Variants in ANO10 observed in about 807,000 individuals in gnomAD.
The protein encoded by ANO10 is anoctamin 10.
Under a neutral mutation model 74.7 loss-of-function variants are expected in ANO10, and 77 were observed. The observed-to-expected ratio is 1.03, with a 90% CI of 0.86 to 1.25. The LOEUF is 1.25. Ranked by LOEUF, ANO10 falls within the 50% of genes most tolerant of loss-of-function variation. The pLI is 0.00. For missense variants in ANO10, 721 were observed against 778.1 expected, an observed-to-expected ratio of 0.93 and a Z score of 0.87; for synonymous variants, 279 against 284.9, an observed-to-expected ratio of 0.98 and a Z score of 0.21.
At chr3:43,584,324 C>G (rs575150446) in intron 4 of ANO10, among the ~76,000 whole-genome samples, 1 of 152,168 alleles carries the variant, frequency 6.6e-6, no homozygotes, top group African/African-American at 2.4e-5. Flanking sequence ...GTTTAGAGCA[C>G]AGGCATATAA....
At chr3:43,402,511 G>A (rs895341890) in intron 12 of ANO10, among the ~76,000 whole-genome samples, 7 of 152,166 alleles carry the variant, frequency 4.6e-5, no homozygotes, top group Non-Finnish European at 7.3e-5. Flanking sequence ...CCACAGACAC[G>A]ATGGAGTGCT....
In ANO10 at chr3:43,642,728, C is replaced by T. The variant is rs1032991412; in HGVS notation, c.-11-36865G>A. 2.3e-4 allele frequency among the ~76,000 whole-genome samples: 35 copies of T among 152,002 alleles called. 1 individual carries two copies. Among genetic ancestry groups the T allele is most frequent in the Admixed American group, 2.2e-3 (34 of 15,250 alleles). The stretch of plus-strand genomic sequence containing the variant: ...TATTGCTTCTTTTTGCAAATATAGG[C>T]GAATACCTAAATATATTCTTATTCC... On this transcript the variant is annotated intron_variant, in intron 1 of 3. Coordinates refer to the ANO10 transcript ENST00000413397.
intron 1 of ANO10, among the ~76,000 whole-genome samples, chr3:43,676,213 G>C (rs926415617): frequency 2.0e-5 from 3 of 152,018 alleles, no homozygotes; most frequent in African/African-American, 7.2e-5. Flanking sequence ...TAATCCCAAT[G>C]CTTTGGGAGG....
chr3:43,646,780 G>A (rs150747758), intron 1 of ANO10, among the ~76,000 whole-genome samples: 246 of 152,292 alleles, frequency 1.6e-3, no homozygotes, highest in African/African-American at 5.5e-3. Flanking sequence ...AAAATGCTGG[G>A]ATTACAGGTG....
chr3:43,485,213 C>T (rs1222387608), intron 11 of ANO10: 8 of 680,702 alleles, frequency 1.2e-5, no homozygotes, highest in Non-Finnish European at 1.9e-5. Context: ...ATTGCCGGTA[C>T]ATGTTGTAGG....
chr3:43,396,346 G>GT lies in ANO10; in HGVS notation c.1915-29373dup, dbSNP rs112983708. On this transcript the variant is annotated intron_variant, in intron 12 of 12. Coordinates refer to ENST00000292246, the MANE Select transcript of ANO10 (RefSeq NM_018075.5). The stretch of plus-strand genomic sequence containing the variant: ...CTTTCTTCGCTTCACGTTTGATAAG[G>GT]TTTTTTTTTTGAGATGGAGTCTCGC... 5.0e-4 allele frequency among the ~76,000 whole-genome samples: 74 copies of GT among 148,476 alleles called. 1 individual carries two copies. Among genetic ancestry groups the GT allele is most frequent in the East Asian group, 1.2e-3 (6 of 5,080 alleles).
chr3:43,675,848 A>G (rs1374322613), intron 1 of ANO10, among the ~76,000 whole-genome samples: 1 of 152,196 alleles, frequency 6.6e-6, no homozygotes, highest in Non-Finnish European at 1.5e-5. Context: ...GCTACTCTGG[A>G]AAATAGTTTG....
At chr3:43,480,269 A>G (rs929445572) in intron 11 of ANO10, among the ~76,000 whole-genome samples, 2 of 152,242 alleles carry the variant, frequency 1.3e-5, no homozygotes, top group African/African-American at 4.8e-5. Flanking sequence ...GCCAGAAATA[A>G]AGATAGAACA....
rs1315919934 is a variant in ANO10 at position 43,549,647 on chromosome 3, C to T, written c.1797+73G>A. 26 of 1,561,860 alleles carry T rather than the reference C, an allele frequency of 1.7e-5. 1 individual carries two copies. The highest frequency in any genetic ancestry group is 4.5e-5 in the South Asian group (4 of 89,654). On this transcript the variant is annotated intron_variant, in intron 11 of 12. Coordinates refer to ENST00000292246, the MANE Select transcript of ANO10 (RefSeq NM_018075.5). ...GCTCAATTGTCAGTCATGGACAGCCCGAGACAGCACTGCTTTGGAATAGAG... is the reference window on the plus strand; with the variant it reads ...GCTCAATTGTCAGTCATGGACAGCCTGAGACAGCACTGCTTTGGAATAGAG...
intron 1 of ANO10, among the ~76,000 whole-genome samples, chr3:43,688,258 C>T (rs956094210): frequency 6.6e-6 from 1 of 152,134 alleles, no homozygotes; most frequent in African/African-American, 2.4e-5. Flanking sequence ...GGAGTTGCTG[C>T]AAAATCCTAA....
intron 1 of ANO10, among the ~76,000 whole-genome samples, chr3:43,607,871 G>A (rs1038749162): frequency 6.6e-6 from 1 of 152,026 alleles, no homozygotes; most frequent in Non-Finnish European, 1.5e-5. Context: ...ACCCAAGGAA[G>A]GCTTTATAGA....
In ANO10 at chr3:43,574,834, T is replaced by C. The variant is rs1200151543; in HGVS notation, c.1193A>G (p.Asn398Ser). The C allele has an allele frequency of 6.2e-7, 1 of 1,614,026 alleles. No homozygotes were observed. The highest frequency in any genetic ancestry group is 1.3e-5 in the African/African-American group (1 of 74,938). The change falls in exon 7 of 13, where the codon AAC (asparagine) becomes AGC (serine). Residue 398 changes from asparagine to serine, a missense_variant. Asn to Ser is a conservative substitution (Grantham distance 46). Transcript: ENST00000292246. Reference protein sequence around the residue: ...ENHRLESAYQNHLILKVLVFN... With the variant: ...ENHRLESAYQSHLILKVLVFN... ...CACTAAAACTTTCAGAATTAGATGG[T>C]TCTGATAGGCAGATTCCAATCTGTG...
intron 1 of ANO10, among the ~76,000 whole-genome samples, chr3:43,647,864 T>A (rs2083743172): frequency 6.6e-6 from 1 of 152,182 alleles, no homozygotes; most frequent in Non-Finnish European, 1.5e-5. Context: ...TAGCTCAGAA[T>A]TCATAGGTTT....
chr3:43,671,940 T>A (rs916412778), intron 1 of ANO10, among the ~76,000 whole-genome samples: 9 of 152,176 alleles, frequency 5.9e-5, no homozygotes, highest in Non-Finnish European at 1.0e-4. Flanking sequence ...CATACATTCA[T>A]CAGCACAGCT....
chr3:43,383,932 G>GAGAA (rs1358499002), intron 12 of ANO10, among the ~76,000 whole-genome samples: 2 of 152,122 alleles, frequency 1.3e-5, no homozygotes, highest in Admixed American at 6.5e-5. Context: ...AATCAGACAA[G>GAGAA]AGAAAGAAAG....
intron 4 of ANO10, among the ~76,000 whole-genome samples, chr3:43,584,219 G>A (rs2081376572): frequency 6.6e-6 from 1 of 152,192 alleles, no homozygotes; most frequent in South Asian, 2.1e-4. Flanking sequence ...CTTGTCATGT[G>A]GTGGAATGAG....
intron 11 of ANO10, among the ~76,000 whole-genome samples, chr3:43,530,603 GAGAA>G (rs1276421434): frequency 2.6e-5 from 4 of 152,020 alleles, no homozygotes; most frequent in African/African-American, 7.2e-5. Context: ...TTGAGAGACA[GAGAA>G]AGAAAGAGAC....
In ANO10 at chr3:43,627,973, G is replaced by A. The variant is rs181164611; in HGVS notation, c.-11-22110C>T. Reference sequence around the variant, plus strand: ...GCTATCTAGGCTTACCACAATCTCCGTCTCCCAGATACAGGCGATTCTCCT... The same window carrying A: ...GCTATCTAGGCTTACCACAATCTCCATCTCCCAGATACAGGCGATTCTCCT... On this transcript the variant is annotated intron_variant, in intron 1 of 3. Coordinates refer to the ANO10 transcript ENST00000413397. Among the ~76,000 whole-genome samples the A allele has an allele frequency of 3.2e-3, 488 of 152,130 alleles. 2 individuals carry two copies. Among genetic ancestry groups the A allele is most frequent in the Non-Finnish European group, 5.4e-3 (369 of 67,996 alleles).
chr3:43,681,901 A>G (rs915761394), intron 1 of ANO10, among the ~76,000 whole-genome samples: 7 of 152,258 alleles, frequency 4.6e-5, no homozygotes, highest in African/African-American at 1.7e-4. Context: ...GACACAACAT[A>G]CAAGAACTTC....
Sources: allele counts gnomAD v4.1 joint callset (sites outside exome capture counted in the v4.1 genomes callset), GRCh38; gene constraint gnomAD v4.1.1; transcripts MANE v1.5; gene names NCBI Gene and HGNC (gene_info 2026-07-23, HGNC 2026-07-21).